TMEM163: variants seen among roughly 807,000 people sequenced by gnomAD.
The protein encoded by TMEM163 is transmembrane protein 163.
TMEM163 carries 17 observed loss-of-function variants against 29.3 expected under a neutral mutation model. The ratio of observed to expected loss-of-function variants is 0.58; its 90% CI spans 0.40 to 0.87. TMEM163 has a LOEUF of 0.87. Ranked by LOEUF, TMEM163 falls within the 40% of genes least tolerant of loss-of-function variation. TMEM163 has a pLI of 0.00. For synonymous variants in TMEM163, 157 were observed against 160.6 expected (o/e 0.98, Z 0.17); for missense variants, 303 against 381.5 (o/e 0.79, Z 1.71).
chr2:134,547,836 G>A (rs571761736), intron 4 of TMEM163, among the ~76,000 whole-genome samples: 1 of 152,290 alleles, frequency 6.6e-6, no homozygotes, highest in Admixed American at 6.5e-5. Context: ...ACAGTAACCT[G>A]TTTGGGGGAT....
At chr2:134,511,951 G>A (rs922578913) in intron 4 of TMEM163, among the ~76,000 whole-genome samples, 37 of 152,190 alleles carry the variant, frequency 2.4e-4, no homozygotes, top group African/African-American at 8.2e-4. Flanking sequence ...TGCTGAACAC[G>A]GATGGGGAAT....
At chr2:134,481,498 C>G (rs148360184) in intron 5 of TMEM163, among the ~76,000 whole-genome samples, 35 of 152,166 alleles carry the variant, frequency 2.3e-4, no homozygotes, top group Admixed American at 1.2e-3. Context: ...CAATGTGAGG[C>G]GTGCCTTTCA....
chr2:134,656,373 C>T (rs1683613253), intron 2 of TMEM163, among the ~76,000 whole-genome samples: 1 of 151,880 alleles, frequency 6.6e-6, no homozygotes, highest in South Asian at 2.1e-4. Context: ...CCTCGCGCTT[C>T]CCAGGTGAGG....
In TMEM163 at chr2:134,618,070, C is replaced by T. The variant is rs536153250; in HGVS notation, c.323-65979G>A. 1.1e-3 allele frequency among the ~76,000 whole-genome samples: 167 copies of T among 152,034 alleles called. 4 individuals carry two copies. In the Middle Eastern group the frequency reaches 0.031, roughly 28 times the overall value. On this transcript the variant is annotated intron_variant, in intron 2 of 7. Coordinates refer to ENST00000281924, the MANE Select transcript of TMEM163 (RefSeq NM_030923.5). ...TTGAGGCTGCAGTGAGCCATGATCA[C>T]ATCACTACAGTCCAGCCTGGGTAAC...
At chr2:134,657,466 C>T (rs1683646732) in intron 2 of TMEM163, among the ~76,000 whole-genome samples, 1 of 152,218 alleles carries the variant, frequency 6.6e-6, no homozygotes, top group African/African-American at 2.4e-5. Flanking sequence ...CATGTTCTCA[C>T]TTATAAGTGG....
chr2:134,612,207 C>A (rs1682519371), intron 2 of TMEM163, among the ~76,000 whole-genome samples: 1 of 152,162 alleles, frequency 6.6e-6, no homozygotes, highest in African/African-American at 2.4e-5. Flanking sequence ...TTAGAGATCA[C>A]CCTGCAGGAA....
intron 4 of TMEM163, among the ~76,000 whole-genome samples, chr2:134,541,291 T>C (rs614356): frequency 0.61 from 93,472 of 152,162 alleles, 29,590 homozygotes; most frequent in East Asian, 0.84. Context: ...AAGAAATGCA[T>C]GTTAACATGG....
Position 134,668,299 on chromosome 2 carries a change from C to T in TMEM163, c.322+44901G>A, listed in dbSNP as rs142203581. On this transcript the variant is annotated intron_variant, in intron 2 of 7. Transcript: ENST00000281924. ...AGCGCTCATCAGTGGCCACATATCCCTCTCTCCAAGGTCACTAGACCCGGT... is the reference window on the plus strand; with the variant it reads ...AGCGCTCATCAGTGGCCACATATCCTTCTCTCCAAGGTCACTAGACCCGGT... 6.9e-4 allele frequency among the ~76,000 whole-genome samples: 105 copies of T among 152,288 alleles called. No homozygotes were observed. The East Asian group carries it at 0.016, about 23-fold the overall frequency.
chr2:134,483,487 C>G (rs1045216315), intron 5 of TMEM163, among the ~76,000 whole-genome samples: 3 of 152,124 alleles, frequency 2.0e-5, no homozygotes, highest in Non-Finnish European at 4.4e-5. Context: ...GCTTAAGTTA[C>G]AGTAATAACA....
At chr2:134,644,278 G>A (rs1249872642) in intron 2 of TMEM163, among the ~76,000 whole-genome samples, 7 of 151,972 alleles carry the variant, frequency 4.6e-5, no homozygotes, top group African/African-American at 1.7e-4. Flanking sequence ...AATTCTTAGG[G>A]AAAGCCAACG....
intron 2 of TMEM163, among the ~76,000 whole-genome samples, chr2:134,569,371 C>T (rs1034888544): frequency 3.9e-5 from 6 of 152,154 alleles, no homozygotes; most frequent in African/African-American, 1.4e-4. Flanking sequence ...GGCCCCTCAT[C>T]CCACCCCCAC....
At chr2:134,541,543 C>G (rs997934479) in intron 4 of TMEM163, among the ~76,000 whole-genome samples, 1 of 152,128 alleles carries the variant, frequency 6.6e-6, no homozygotes, top group Non-Finnish European at 1.5e-5. Context: ...TTTTTTCTAA[C>G]CTTAAGGCAT....
rs560156553 is a variant in TMEM163 at position 134,606,556 on chromosome 2, G to A, written c.323-54465C>T. 1.6e-4 allele frequency among the ~76,000 whole-genome samples: 24 copies of A among 152,200 alleles called. No homozygotes were observed. In the South Asian group the frequency reaches 3.7e-3, roughly 24 times the overall value. ...AGAGCCATGCTCCCTGCCTCTACCCGCCTCCATCCCCCTGGAAGAGTCGGG... is the reference window on the plus strand; with the variant it reads ...AGAGCCATGCTCCCTGCCTCTACCCACCTCCATCCCCCTGGAAGAGTCGGG... On this transcript the variant is annotated intron_variant, in intron 2 of 7. Coordinates refer to ENST00000281924, the MANE Select transcript of TMEM163 (RefSeq NM_030923.5).
chr2:134,689,394 C>G (rs1296954122), intron 2 of TMEM163, among the ~76,000 whole-genome samples: 1 of 152,156 alleles, frequency 6.6e-6, no homozygotes, highest in African/African-American at 2.4e-5. Context: ...AGGCATGAGC[C>G]ACCATGCCTG....
chr2:134,613,479 C>A (rs1682547462), intron 2 of TMEM163, among the ~76,000 whole-genome samples: 1 of 151,784 alleles, frequency 6.6e-6, no homozygotes, highest in South Asian at 2.1e-4. Flanking sequence ...ATACTGAAAG[C>A]CAAAAACAGT....
Position 134,456,387 on chromosome 2 carries a change from C to A in TMEM163, c.*329G>T, listed in dbSNP as rs1686394815. 2.9e-6 allele frequency: 1 copy of A among 339,186 alleles called. No homozygotes were observed. Among genetic ancestry groups the A allele is most frequent in the South Asian group, 3.4e-5 (1 of 29,354 alleles). The allele number at this position is 339,186 out of a possible 1,614,324, so 21.0% of individuals were successfully genotyped here. A position where few individuals can be genotyped will look rare whatever the true frequency, so the allele number is the denominator to read the frequency against. ...TGGGTCTGCTCAGTCCTATGCAGCG[C>A]AGGCTCAGAGCACCACCGAAGACCT... On this transcript the variant is annotated 3_prime_UTR_variant, in exon 8 of 8. Transcript: ENST00000281924.
At chr2:134,542,360 C>T (rs1271875653) in intron 4 of TMEM163, among the ~76,000 whole-genome samples, 1 of 152,166 alleles carries the variant, frequency 6.6e-6, no homozygotes, top group Non-Finnish European at 1.5e-5. Context: ...AGCAGGTAAG[C>T]AGCAGAGTGG....
At chr2:134,587,317 CAGG>C (rs1183128273) in intron 2 of TMEM163, among the ~76,000 whole-genome samples, 2 of 152,136 alleles carry the variant, frequency 1.3e-5, no homozygotes, top group Non-Finnish European at 2.9e-5. Flanking sequence ...GAGTGTGAGG[CAGG>C]AGAATTGCTT....
chr2:134,607,019 C>T (rs113484763), intron 2 of TMEM163, among the ~76,000 whole-genome samples: 3 of 135,344 alleles, frequency 2.2e-5, no homozygotes, highest in Non-Finnish European at 3.2e-5. Context: ...GGACAGACCC[C>T]GAGAACTGTG....
Sources: gnomAD v4.1 joint callset for allele counts (sites outside exome capture counted in the v4.1 genomes callset) on GRCh38, gnomAD v4.1.1 for gene constraint, MANE v1.5 for transcripts, NCBI Gene and HGNC (gene_info 2026-07-23, HGNC 2026-07-21) for gene names.